IGFL1: variants seen among roughly 807,000 people sequenced by gnomAD.
IGFL1 encodes IGF like family member 1.
A neutral mutation model predicts 16.0 loss-of-function variants in IGFL1; 16 were observed. The observed-to-expected ratio is 1.00, with a 90% confidence interval of 0.68 to 1.52. IGFL1 has a LOEUF of 1.52. Ranked by LOEUF, IGFL1 falls within the 40% of genes most tolerant of loss-of-function variation. IGFL1 has a pLI of 0.00. For synonymous variants in IGFL1, 59 were observed against 54.0 expected (o/e 1.09, Z -0.41); for missense variants, 149 against 141.7 (o/e 1.05, Z -0.26).
At chr19:46,230,566 C>A in intron 3 of IGFL1, 49 bp downstream of exon 3, 3 of 1,601,334 alleles carry the variant, frequency 1.9e-6, no homozygotes. Flanking sequence ...TAGCTGCATG[C>A]CTGTTCTGCC....
chr19:46,230,776 G>A (rs1360828257), intron 3 of IGFL1, 45 bp from the exon 4 acceptor site: 2 of 1,606,178 alleles, frequency 1.2e-6, no homozygotes, highest in Admixed American at 1.7e-5. Flanking sequence ...CCCATCTCTG[G>A]CCATCTCTGT....
intron 3 of IGFL1, 94 bp downstream of exon 3, chr19:46,230,611 C>A: frequency 6.5e-7 from 1 of 1,545,892 alleles, no homozygotes; most frequent in South Asian, 1.2e-5. Context: ...GTCTCCCTGT[C>A]TCTGCCCCCT....
In IGFL1 at chr19:46,230,916, T is replaced by C. The variant is rs2147059678; in HGVS notation, c.*86T>C. On this transcript the variant is annotated 3_prime_UTR_variant, in exon 4 of 4. Coordinates refer to ENST00000437936, the MANE Select transcript of IGFL1 (RefSeq NM_198541.2). ...GGCTGGTGTTACCTGAGATCTGGGA[T>C]GCTGAGTGGCTGTTTGGGGGCCAGA... The C allele has an allele frequency of 7.4e-7, 1 of 1,356,076 alleles. No homozygotes were observed. 84.0% of individuals were successfully genotyped at this position (1,356,076 alleles called of 1,614,324 possible).
rs1452526855 is a variant in IGFL1, at chr19:46,230,820, G to C, written c.324-1G>C. ...GTGTCTCTCTCTGTCACTATCTCCA[G>C]TGTCAGCTAATGGAACATCAGGGGA... On this transcript the variant is annotated splice_acceptor_variant, in intron 3 of 3. Coordinates refer to ENST00000437936, the MANE Select transcript of IGFL1 (RefSeq NM_198541.2). LOFTEE classifies it high-confidence loss of function. 1.9e-6 allele frequency: 3 copies of C among 1,611,998 alleles called. No individual in the cohort carries two copies. The Middle Eastern group carries it at 5.0e-4, about 266-fold the overall frequency.
chr19:46,230,670 C>A, intron 3 of IGFL1, 151 bp from the exon 4 acceptor site: 2 of 1,368,876 alleles, frequency 1.5e-6, no homozygotes, highest in South Asian at 1.2e-5. Context: ...TGTCTCCATC[C>A]ATTTTTATTT....
intron 3 of IGFL1, 80 bp downstream of exon 3, chr19:46,230,597 C>T: frequency 6.4e-7 from 1 of 1,573,062 alleles, no homozygotes; most frequent in Non-Finnish European, 8.7e-7. Context: ...CCCCCATTCT[C>T]CTTGTCTCCC....
Position 46,230,925 on chromosome 19 carries a change from G to T in IGFL1, c.*95G>T. ...TACCTGAGATCTGGGATGCTGAGTG[G>T]CTGTTTGGGGGCCAGAGAAACACAC... On this transcript the variant is annotated 3_prime_UTR_variant, in exon 4 of 4. Transcript: ENST00000437936. 1 of 1,259,322 alleles carries T rather than the reference G, an allele frequency of 7.9e-7. No individual in the cohort carries two copies. The highest frequency in any genetic ancestry group is 1.1e-6 in the Non-Finnish European group (1 of 877,610). 78.0% of individuals were successfully genotyped at this position (1,259,322 alleles called of 1,614,324 possible). A position where few individuals can be genotyped will look rare whatever the true frequency, so the allele number is the denominator to read the frequency against.
intron 1 of IGFL1, 51 bp from the exon 2 acceptor site, chr19:46,230,057 T>A (rs1967225399): frequency 6.3e-7 from 1 of 1,589,676 alleles, no homozygotes; most frequent in East Asian, 2.2e-5. Flanking sequence ...TCAGTGCCAG[T>A]CATATCTGTG....
At position 46,230,564 on chromosome 19, in the gene IGFL1, T is replaced by A. The variant is rs778531194; in HGVS notation, c.323+47T>A. 2.5e-6 allele frequency: 4 copies of A among 1,603,514 alleles called. No individual in the cohort carries two copies. The East Asian group carries it at 8.9e-5, about 36-fold the overall frequency. On this transcript the variant is annotated intron_variant, in intron 3 of 3. Coordinates refer to ENST00000437936, the MANE Select transcript of IGFL1 (RefSeq NM_198541.2). ...GGATTGTGGGTGCAGGGTAGCTGCA[T>A]GCCTGTTCTGCCCTGGGTGGAGCCC... is the stretch of plus-strand genomic sequence containing the variant.
Position 46,230,895 on chromosome 19 carries a change from G to T in IGFL1, c.*65G>T, listed in dbSNP as rs1355696885. On this transcript the variant is annotated 3_prime_UTR_variant, in exon 4 of 4. Transcript: ENST00000437936. ...CTGGGTGGGCCTGGAGAAAGAGGCT[G>T]GTGTTACCTGAGATCTGGGATGCTG... is the stretch of plus-strand genomic sequence containing the variant. The T allele has an allele frequency of 6.7e-7, 1 of 1,499,184 alleles. No individual in the cohort carries two copies. Among genetic ancestry groups the T allele is most frequent in the Non-Finnish European group, 9.2e-7 (1 of 1,087,948 alleles). 92.9% of individuals were successfully genotyped at this position (1,499,184 alleles called of 1,614,324 possible).
chr19:46,230,920 G>T lies in IGFL1; in HGVS notation c.*90G>T. 1 of 1,333,850 alleles carries T rather than the reference G, an allele frequency of 7.5e-7. No homozygotes were observed. The allele number at this position is 1,333,850 out of a possible 1,614,324, so 82.6% of individuals were successfully genotyped here. On this transcript the variant is annotated 3_prime_UTR_variant, in exon 4 of 4. Transcript: ENST00000437936. ...GGTGTTACCTGAGATCTGGGATGCT[G>T]AGTGGCTGTTTGGGGGCCAGAGAAA...
rs1967228237 is a variant in IGFL1, at chr19:46,230,289, C to T, written c.95C>T (p.Pro32Leu). 1 of 1,613,888 alleles carries T rather than the reference C, an allele frequency of 6.2e-7. No homozygotes were observed. The highest frequency in any genetic ancestry group is 1.1e-5 in the South Asian group (1 of 91,086). Residue 32 changes from proline to leucine, a missense_variant, in exon 3 of 4, where the codon CCT (proline) becomes CTT (leucine). Pro to Leu is a moderately conservative substitution (Grantham distance 98). Coordinates refer to ENST00000437936, the MANE Select transcript of IGFL1 (RefSeq NM_198541.2). ...TCTCCTCCAGTGGCCCCCATGACTC[C>T]TTACCTGATGCTGTGCCAGCCACAC... is the stretch of plus-strand genomic sequence containing the variant. ...SHGAPVAPMTPYLMLCQPHKR... is the reference protein window; with the variant it reads ...SHGAPVAPMTLYLMLCQPHKR...
chr19:46,230,404 A>C lies in IGFL1; in HGVS notation c.210A>C (p.Gly70=). The change falls in exon 3 of 4, where the codon GGA becomes GGC. Residue 70 remains glycine (G), a synonymous_variant. Transcript: ENST00000437936. ...VVPLARTQTC[G]NCTFRVCFEQ... ...CCTTGGCCAGGACCCAGACGTGTGG[A>C]AACTGCACCTTCAGAGTCTGCTTTG... 1 of 1,614,058 alleles carries C rather than the reference A, an allele frequency of 6.2e-7. No homozygotes were observed. Among genetic ancestry groups the C allele is most frequent in the African/African-American group, 1.3e-5 (1 of 75,054 alleles).
chr19:46,230,541 A>T, intron 3 of IGFL1, 24 bp downstream of exon 3: 1 of 1,611,426 alleles, frequency 6.2e-7, no homozygotes, highest in Non-Finnish European at 8.5e-7. Context: ...CCTCCGTGGG[A>T]TTGTGGGTGC....
rs1967239852 is a variant in IGFL1 at position 46,231,191 on chromosome 19, T to C, written c.*361T>C. ...TTTTCCATCATCTCAAGTTCTCTTC[T>C]ATCCAGGAGCAAAGCACAGGATCAT... On this transcript the variant is annotated 3_prime_UTR_variant, in exon 4 of 4. Coordinates refer to ENST00000437936, the MANE Select transcript of IGFL1 (RefSeq NM_198541.2). 1 of 383,178 alleles carries C rather than the reference T, an allele frequency of 2.6e-6. No homozygotes were observed. The highest frequency in any genetic ancestry group is 3.6e-5 in the Admixed American group (1 of 28,050). The allele number at this position is 383,178 out of a possible 1,614,324, so 23.7% of individuals were successfully genotyped here.
rs372322013 is a variant in IGFL1 at position 46,230,134 on chromosome 19, A to G, written c.52A>G (p.Arg18Gly). The G allele has an allele frequency of 6.8e-6, 11 of 1,613,562 alleles. No individual in the cohort carries two copies. The highest frequency in any genetic ancestry group is 2.7e-5 in the African/African-American group (2 of 74,828). The change falls in exon 2 of 4, where the codon AGG (arginine) becomes GGG (glycine). Residue 18 changes from arginine (R) to glycine (G), a missense_variant. Transcript: ENST00000437936. Reference sequence around the variant, plus strand: ...TGTCTTTGCCATTTTCTGCATCTCCAGGCTCCTCTGCTCACACGGAGCCCC... The same window carrying G: ...TGTCTTTGCCATTTTCTGCATCTCCGGGCTCCTCTGCTCACACGGAGCCCC... ...VAVFAIFCIS[R>G]LLCSHGAPVA...
Position 46,231,121 on chromosome 19 carries a change from C to T in IGFL1, c.*291C>T. ...ACCCCTATGGCCAACATCAACCCGG[C>T]ACCACCCCAAGGCTGGCTGGGGAAC... On this transcript the variant is annotated 3_prime_UTR_variant, in exon 4 of 4. Coordinates refer to ENST00000437936, the MANE Select transcript of IGFL1 (RefSeq NM_198541.2). 1.9e-6 allele frequency: 1 copy of T among 533,104 alleles called. No homozygotes were observed. The allele number at this position is 533,104 out of a possible 1,614,324, so 33.0% of individuals were successfully genotyped here.
At chr19:46,229,885 CT>C in intron 1 of IGFL1, 86 bp downstream of exon 1, 1 of 1,455,934 alleles carries the variant, frequency 6.9e-7, no homozygotes, top group Non-Finnish European at 9.5e-7. Context: ...CAAACTACAC[CT>C]CATCCCTGTT....
chr19:46,230,595 C>T (rs1373096369), intron 3 of IGFL1, 78 bp downstream of exon 3: 4 of 1,575,682 alleles, frequency 2.5e-6, no homozygotes, highest in Non-Finnish European at 2.6e-6. Flanking sequence ...AGCCCCCATT[C>T]TCCTTGTCTC....
Sources: gnomAD v4.1 joint callset for allele counts on GRCh38, gnomAD v4.1.1 for gene constraint, MANE v1.5 for transcripts, NCBI Gene and HGNC (gene_info 2026-07-23, HGNC 2026-07-21) for gene names.